The following CFAP74 variants were observed in gnomAD, a reference collection of about 807,000 sequenced individuals.
CFAP74 encodes cilia and flagella associated protein 74.
Under a neutral mutation model 188.9 loss-of-function variants are expected in CFAP74, and 124 were observed. The ratio of observed to expected loss-of-function variants is 0.66; its 90% CI spans 0.57 to 0.76. The LOEUF (loss-of-function observed/expected upper bound fraction) is 0.76. Ranked by LOEUF, CFAP74 falls within the 30% of genes least tolerant of loss-of-function variation. The probability of loss-of-function intolerance (pLI) is 0.00; values close to 1 mark genes in which losing one functional copy is unlikely to be tolerated. For synonymous variants in CFAP74, 956 were observed against 916.7 expected, an observed-to-expected ratio of 1.04 and a Z score of -0.77; for missense variants, 2,198 against 2,165.2, an observed-to-expected ratio of 1.02 and a Z score of -0.30.
intron 4 of CFAP74, 53 bp downstream of exon 4, chr1:1,988,459 C>A: frequency 1.3e-6 from 2 of 1,598,396 alleles, no homozygotes; most frequent in Non-Finnish European, 1.7e-6. Context: ...ACCCATGTCA[C>A]GGCCTGGGGG....
At position 1,958,470 on chromosome 1, in the gene CFAP74, G is replaced by A. The variant is rs150575395; in HGVS notation, c.1851+650C>T. 7.5e-3 allele frequency among the ~76,000 whole-genome samples: 1,144 copies of A among 152,346 alleles called. 23 individuals are homozygous for A. Among genetic ancestry groups the A allele is most frequent in the African/African-American group, 0.026 (1,064 of 41,580 alleles). On this transcript the variant is annotated intron_variant, in intron 16 of 38. Coordinates refer to ENST00000682832, the MANE Select transcript of CFAP74 (RefSeq NM_001304360.2). ...TGGCCGCAGAGGGCTTCACACTCGC[G>A]GCTGAGCCAGGAGCCGTTTGCTGTG...
chr1:1,971,812 C>T (rs920148071), intron 9 of CFAP74, among the ~76,000 whole-genome samples, 168 bp downstream of exon 9: 1 of 152,244 alleles, frequency 6.6e-6, no homozygotes, highest in Non-Finnish European at 1.5e-5. Flanking sequence ...ACACGGAACC[C>T]GTGGGCAAAT....
chr1:1,996,523 T>TG (rs1441028292), intron 1 of CFAP74, among the ~76,000 whole-genome samples: 1 of 152,164 alleles, frequency 6.6e-6, no homozygotes, highest in African/African-American at 2.4e-5. Context: ...TTATTCACTA[T>TG]GGGAGCTACT....
chr1:1,963,688 G>T, intron 14 of CFAP74, 61 bp downstream of exon 14: 1 of 1,047,220 alleles, frequency 9.5e-7, no homozygotes, highest in Non-Finnish European at 1.5e-6. Context: ...AACATGAAGG[G>T]ACCTATGAAC....
At chr1:1,970,900 G>C in intron 9 of CFAP74, 84 bp from the exon 10 acceptor site, 1 of 1,524,328 alleles carries the variant, frequency 6.6e-7, no homozygotes, top group East Asian at 2.3e-5. Flanking sequence ...TGCACACACA[G>C]GTTCATACAT....
At chr1:1,993,107 C>T (rs28674034) in intron 1 of CFAP74, among the ~76,000 whole-genome samples, 4 of 148,594 alleles carry the variant, frequency 2.7e-5, no homozygotes, top group Non-Finnish European at 4.5e-5. Context: ...AGGCTGAGGC[C>T]CGAGAATTGC....
chr1:1,947,157 GCT>G, intron 18 of CFAP74, 103 bp from the exon 19 acceptor site: 1 of 862,990 alleles, frequency 1.2e-6, no homozygotes, highest in Non-Finnish European at 1.8e-6. Context: ...CATATCCTGG[GCT>G]CTGTTCTTTC....
Position 1,964,750 on chromosome 1 carries a change from G to A in CFAP74, c.1575+138C>T, listed in dbSNP as rs376612797. 6.8e-4 allele frequency: 586 copies of A among 860,422 alleles called. 3 individuals are homozygous for A. In the African/African-American group the frequency reaches 9.1e-3, roughly 13 times the overall value. The allele number at this position is 860,422 out of a possible 1,614,324, so 53.3% of individuals were successfully genotyped here. On this transcript the variant is annotated intron_variant, in intron 13 of 38. Transcript: ENST00000682832. ...GGTTGCAGTGACCTGAGATTATGCC[G>A]TTGCACTCCAGCCTGGGCGACAGAG...
intron 1 of CFAP74, among the ~76,000 whole-genome samples, chr1:2,002,845 A>T (rs1658273510): frequency 6.6e-6 from 1 of 150,706 alleles, no homozygotes. Context: ...TATAAAGTTT[A>T]AAATAAGTGA....
Position 1,973,889 on chromosome 1 carries a change from G to A in CFAP74, c.674+136C>T. The A allele has an allele frequency of 1.3e-6, 1 of 784,962 alleles. No individual in the cohort carries two copies. 48.6% of individuals were successfully genotyped at this position (784,962 alleles called of 1,614,324 possible). A position where few individuals can be genotyped will look rare whatever the true frequency, so the allele number is the denominator to read the frequency against. On this transcript the variant is annotated intron_variant, in intron 7 of 38. Coordinates refer to ENST00000682832, the MANE Select transcript of CFAP74 (RefSeq NM_001304360.2). This position sits in a 1 kb window ranked among gnomAD's most constrained non-coding sequence, Gnocchi z 6.2. ...GGCCCGGTGGAGGAGCAAGCTGGGA[G>A]GAGGCAGGGAGGGGTGGAGGTGGAT...
At chr1:1,992,804 A>G (rs1290927076) in intron 1 of CFAP74, among the ~76,000 whole-genome samples, 1 of 152,140 alleles carries the variant, frequency 6.6e-6, no homozygotes, top group Non-Finnish European at 1.5e-5. Flanking sequence ...TTTCAAAATT[A>G]TCATTACACT....
intron 22 of CFAP74, among the ~76,000 whole-genome samples, chr1:1,941,082 C>CA (rs1653339065): frequency 6.6e-6 from 1 of 151,694 alleles, no homozygotes; most frequent in Admixed American, 6.6e-5. Context: ...CACTGCACTC[C>CA]AGCCTGGGCG....
chr1:1,965,102 C>G lies in CFAP74; in HGVS notation c.1402-41G>C, dbSNP rs750960317. The G allele has an allele frequency of 2.5e-6, 4 of 1,589,352 alleles. No individual in the cohort carries two copies. In the Admixed American group the frequency reaches 7.0e-5, roughly 28 times the overall value. Reference sequence around the variant, plus strand: ...ACAGAGGCTGGGGCTGTTAGCGGCTCCACCTGGGCGGCGCCGGTGGCAGCT... The same window carrying G: ...ACAGAGGCTGGGGCTGTTAGCGGCTGCACCTGGGCGGCGCCGGTGGCAGCT... On this transcript the variant is annotated intron_variant, in intron 12 of 38. Coordinates refer to ENST00000682832, the MANE Select transcript of CFAP74 (RefSeq NM_001304360.2).
chr1:1,990,017 A>G (rs1657477767), intron 2 of CFAP74, among the ~76,000 whole-genome samples: 1 of 145,616 alleles, frequency 6.9e-6, no homozygotes, highest in South Asian at 2.1e-4. Flanking sequence ...TGACGTCACA[A>G]CAGACAGCTC....
At position 1,935,331 on chromosome 1, in the gene CFAP74, T is replaced by C. The variant is rs563689057; in HGVS notation, c.3011+3524A>G. On this transcript the variant is annotated intron_variant, in intron 25 of 38. Transcript: ENST00000682832. ...GGGTGTTAGGTTGTAGGTACACAGG[T>C]GTGTACGTGGGTGTTAGGTTGTAGG... 2.1e-5 allele frequency among the ~76,000 whole-genome samples: 2 copies of C among 94,862 alleles called. 1 individual carries two copies. The highest frequency in any genetic ancestry group is 7.6e-5 in the African/African-American group (2 of 26,428). 62.2% of individuals were successfully genotyped at this position (94,862 alleles called of 152,430 possible).
At chr1:1,981,402 G>A (rs966609257) in intron 6 of CFAP74, among the ~76,000 whole-genome samples, 8 of 151,444 alleles carry the variant, frequency 5.3e-5, no homozygotes, top group East Asian at 1.9e-4. Flanking sequence ...ACAGCCAGCC[G>A]CGGACAGACA....
At chr1:1,944,899 C>T (rs1653645565) in intron 20 of CFAP74, among the ~76,000 whole-genome samples, 1 of 152,170 alleles carries the variant, frequency 6.6e-6, no homozygotes, top group Non-Finnish European at 1.5e-5. Context: ...AGCCACTGCG[C>T]CCGGCCAAAT....
intron 25 of CFAP74, among the ~76,000 whole-genome samples, chr1:1,931,654 G>A (rs1369252604): frequency 3.4e-5 from 5 of 147,294 alleles, no homozygotes; most frequent in East Asian, 2.0e-4. Flanking sequence ...GAAGAATGGC[G>A]TGAACCCAGG....
At position 1,974,999 on chromosome 1, in the gene CFAP74, G is replaced by A. The variant is rs549593140; in HGVS notation, c.501-801C>T. 4.0e-3 allele frequency among the ~76,000 whole-genome samples: 606 copies of A among 152,346 alleles called. 3 individuals are homozygous for A. The highest frequency in any genetic ancestry group is 6.2e-3 in the Non-Finnish European group (424 of 68,040). ...TGCGAACGGTTCCACCCAGAGATGC[G>A]GCTCAGGCCGGGGCTGGCCACGCGA... On this transcript the variant is annotated intron_variant, in intron 6 of 38. Transcript: ENST00000682832.
Sources: gnomAD v4.1 joint callset for allele counts (sites outside exome capture counted in the v4.1 genomes callset) on GRCh38, gnomAD v4.1.1 for gene constraint, Gnocchi (gnomAD v3.1) non-coding constraint, MANE v1.5 for transcripts, NCBI Gene and HGNC (gene_info 2026-07-23, HGNC 2026-07-21) for gene names.